Variants in STK32B observed in about 807,000 individuals in gnomAD.
STK32B encodes serine/threonine kinase 32B.
Under a neutral mutation model 52.6 loss-of-function variants are expected in STK32B, and 43 were observed. That is an observed-to-expected ratio of 0.82 (90% CI 0.64 to 1.05). The LOEUF is 1.05. Among genes scored for constraint, STK32B ranks in the 50% least tolerant of loss-of-function variants. STK32B has a pLI of 0.00. For synonymous variants in STK32B, 238 were observed against 204.3 expected (o/e 1.17, Z -1.41); for missense variants, 621 against 534.6 (o/e 1.16, Z -1.59).
intron 3 of STK32B, among the ~76,000 whole-genome samples, chr4:5,313,283 C>A (rs956974963): frequency 6.6e-6 from 1 of 151,814 alleles, no homozygotes; most frequent in African/African-American, 2.4e-5. Flanking sequence ...AAGAAAAAAT[C>A]CTATTATTAT....
chr4:5,439,725 A>T (rs7434701), intron 6 of STK32B, among the ~76,000 whole-genome samples: 14,266 of 152,110 alleles, frequency 0.094, 1,029 homozygotes, highest in East Asian at 0.4. Flanking sequence ...TCTAGGGTTT[A>T]TATGGTTTTA....
intron 3 of STK32B, among the ~76,000 whole-genome samples, chr4:5,301,841 GT>G (rs1387354088): frequency 8.2e-6 from 1 of 122,170 alleles, no homozygotes; most frequent in African/African-American, 5.4e-5. Flanking sequence ...GTTTAGTTTA[GT>G]TTGTTTTTTT....
intron 11 of STK32B, among the ~76,000 whole-genome samples, chr4:5,486,602 G>C (rs771673539): frequency 6.6e-6 from 1 of 152,186 alleles, no homozygotes; most frequent in African/African-American, 2.4e-5. Flanking sequence ...TGCACCCACT[G>C]TCCAACACTC....
At chr4:5,038,579 C>A in the STK32B span, among the ~76,000 whole-genome samples, 18 of 152,184 alleles carry the variant, frequency 1.2e-4, no homozygotes, top group Non-Finnish European at 2.1e-4. Flanking sequence ...AACTGTAACA[C>A]AATGCATTTG....
intron 5 of STK32B, among the ~76,000 whole-genome samples, chr4:5,416,061 A>G (rs1391164114): frequency 1.5e-4 from 23 of 152,234 alleles, no homozygotes; most frequent in Admixed American, 1.5e-3. Context: ...AATTGCAGTT[A>G]TAACTATTAT....
chr4:5,491,870 T>C (rs1004608117), intron 11 of STK32B, among the ~76,000 whole-genome samples: 3 of 152,224 alleles, frequency 2.0e-5, no homozygotes, highest in African/African-American at 7.2e-5. Flanking sequence ...CTCAGGTTTG[T>C]CAAAGATCAG....
chr4:5,490,475 A>G (rs1185545031), intron 11 of STK32B, among the ~76,000 whole-genome samples: 2 of 152,156 alleles, frequency 1.3e-5, no homozygotes. Context: ...TTGCCAATAT[A>G]CTGAATTGGA....
intron 4 of STK32B, among the ~76,000 whole-genome samples, chr4:5,341,772 A>G (rs1309111534): frequency 1.3e-5 from 2 of 152,190 alleles, no homozygotes; most frequent in African/African-American, 4.8e-5. Flanking sequence ...ACCTGCAGTC[A>G]TGGTGGAAGG....
rs115067736 is a variant in STK32B at position 5,125,588 on chromosome 4, G to A, written c.53-14317G>A. 2.5e-3 allele frequency among the ~76,000 whole-genome samples: 383 copies of A among 152,298 alleles called. 2 individuals are homozygous for A. The highest frequency in any genetic ancestry group is 7.3e-3 in the African/African-American group (304 of 41,578). ...GGGAGATGCCCAGCAGGCTGAGCCT[G>A]CTGCTGCACCCACTGTTGGCTTTTG... On this transcript the variant is annotated intron_variant, in intron 1 of 11. Coordinates refer to ENST00000282908, the MANE Select transcript of STK32B (RefSeq NM_018401.3).
intron 3 of STK32B, among the ~76,000 whole-genome samples, chr4:5,245,607 C>G (rs554369516): frequency 6.6e-6 from 1 of 152,208 alleles, no homozygotes; most frequent in South Asian, 2.1e-4. Context: ...GAATTTGATC[C>G]TGTCATTATG....
chr4:5,387,505 G>C (rs1736335192), intron 4 of STK32B, among the ~76,000 whole-genome samples: 1 of 152,190 alleles, frequency 6.6e-6, no homozygotes, highest in African/African-American at 2.4e-5. Context: ...TTCTCAGAGA[G>C]AGTGATGCCC....
intron 3 of STK32B, among the ~76,000 whole-genome samples, chr4:5,229,017 G>A (rs138643958): frequency 6.6e-6 from 1 of 152,222 alleles, no homozygotes; most frequent in Admixed American, 6.5e-5. Context: ...TATTAAGTGT[G>A]CAACAGCAAT....
At chr4:5,392,585 A>G (rs977057753) in intron 4 of STK32B, among the ~76,000 whole-genome samples, 1 of 152,144 alleles carries the variant, frequency 6.6e-6, no homozygotes. Flanking sequence ...ATTGATCTAG[A>G]GACCAACATG....
chr4:5,333,673 C>A (rs1732427391), intron 4 of STK32B, among the ~76,000 whole-genome samples: 1 of 152,168 alleles, frequency 6.6e-6, no homozygotes, highest in South Asian at 2.1e-4. Context: ...AGGAAGGGAT[C>A]CAGTTTCAGC....
chr4:5,331,382 C>T lies in STK32B; in HGVS notation c.423C>T (p.His141=). 1 of 1,611,414 alleles carries T rather than the reference C, an allele frequency of 6.2e-7. No homozygotes were observed. The highest frequency in any genetic ancestry group is 8.5e-7 in the Non-Finnish European group (1 of 1,178,590). ...ALALEYLQRY[H]IIHRDIKPDN... is the part of the protein sequence containing the mutation. ...CCCTGGAGTATCTTCAGAGGTACCA[C>T]ATCATCCACAGGTAACTGGGCTGCT... Residue 141 remains histidine, a synonymous_variant, in exon 4 of 12, where the codon CAC becomes CAT. Coordinates refer to ENST00000282908, the MANE Select transcript of STK32B (RefSeq NM_018401.3).
chr4:5,435,755 T>C (rs1212362779), intron 6 of STK32B: 1 of 152,072 alleles, frequency 6.6e-6, no homozygotes, highest in Non-Finnish European at 1.5e-5. Context: ...CTCAAGGAGC[T>C]TGGAGTCAAG....
In STK32B at chr4:5,337,289, A is replaced by T. The variant is rs962348733; in HGVS notation, c.434+5896A>T. Among the ~76,000 whole-genome samples, 5 of 152,072 alleles carry T rather than the reference A, an allele frequency of 3.3e-5. No individual in the cohort carries two copies. In the East Asian group the frequency reaches 7.7e-4, roughly 23 times the overall value. On this transcript the variant is annotated intron_variant, in intron 4 of 11. Transcript: ENST00000282908. Reference sequence around the variant, plus strand: ...TAGGTGTGAGCCACAGTGCCCAGACAGTTTTTAATTTCTTAAATGCTAGAA... The same window carrying T: ...TAGGTGTGAGCCACAGTGCCCAGACTGTTTTTAATTTCTTAAATGCTAGAA...
intron 11 of STK32B, 129 bp downstream of exon 11, chr4:5,468,199 G>C: frequency 1.2e-6 from 1 of 859,506 alleles, no homozygotes; most frequent in South Asian, 1.5e-5. Context: ...GCTGAGGTGA[G>C]ACACAGGGCT....
intron 1 of STK32B, among the ~76,000 whole-genome samples, chr4:5,092,378 A>C (rs548430742): frequency 6.6e-6 from 1 of 152,100 alleles, no homozygotes; most frequent in Non-Finnish European, 1.5e-5. Flanking sequence ...CTAAAAATAC[A>C]AGAACTAGCC....
Sources: gnomAD v4.1 joint callset for allele counts (sites outside exome capture counted in the v4.1 genomes callset) on GRCh38, gnomAD v4.1.1 for gene constraint, MANE v1.5 for transcripts, NCBI Gene and HGNC (gene_info 2026-07-23, HGNC 2026-07-21) for gene names.